Variants in VDAC3 observed in about 807,000 individuals in gnomAD.
VDAC3 encodes the protein voltage dependent anion channel 3.
Under a neutral mutation model 33.9 loss-of-function variants are expected in VDAC3, and 7 were observed. The ratio of observed to expected loss-of-function variants is 0.21; its 90% confidence interval spans 0.12 to 0.39. The LOEUF (loss-of-function observed/expected upper bound fraction) is 0.39. Among genes scored for constraint, VDAC3 ranks in the 10% least tolerant of loss-of-function variants. VDAC3 has a pLI of 1.00. For missense variants in VDAC3, 261 were observed against 334.5 expected (o/e 0.78, Z 1.71); for synonymous variants, 100 against 122.4 (o/e 0.82, Z 1.21).
chr8:42,394,375 G>C, intron 3 of VDAC3, 97 bp downstream of exon 3: 1 of 1,049,602 alleles, frequency 9.5e-7, no homozygotes, highest in Non-Finnish European at 1.4e-6. Context: ...GGGTAAGTCA[G>C]CATTATTCCA....
At chr8:42,403,857 G>T (rs1585953927) in intron 8 of VDAC3, among the ~76,000 whole-genome samples, 1 of 145,996 alleles carries the variant, frequency 6.8e-6, no homozygotes, top group African/African-American at 2.6e-5. Flanking sequence ...CAGCCTGGGT[G>T]ACAGAGCGAG....
At chr8:42,401,221 C>G (rs973490647) in intron 6 of VDAC3, among the ~76,000 whole-genome samples, 1 of 151,792 alleles carries the variant, frequency 6.6e-6, no homozygotes, top group Non-Finnish European at 1.5e-5. Flanking sequence ...TCTTTTGAGA[C>G]GAGTCTCGCT....
intron 9 of VDAC3, 36 bp from the exon 10 acceptor site, chr8:42,405,335 T>C: frequency 6.5e-7 from 1 of 1,537,480 alleles, no homozygotes; most frequent in Non-Finnish European, 9.0e-7. Context: ...ATTGTAATAC[T>C]TGTTTCAAGT....
Position 42,398,730 on chromosome 8 carries a change from C to T in VDAC3, c.136C>T (p.His46Tyr), listed in dbSNP as rs1380820930. 1.9e-6 allele frequency: 3 copies of T among 1,605,902 alleles called. No homozygotes were observed. The highest frequency in any genetic ancestry group is 1.7e-6 in the Non-Finnish European group (2 of 1,177,724). ...TTACCAGGAATTTTCTACTTCTGGTCATGCTTACACTGATACAGGGAAAGC... is the reference window on the plus strand; with the variant it reads ...TTACCAGGAATTTTCTACTTCTGGTTATGCTTACACTGATACAGGGAAAGC... ...CSGVEFSTSG[H>Y]AYTDTGKASG... The change falls in exon 5 of 10, where the codon CAT (histidine) becomes TAT (tyrosine). Residue 46 changes from histidine (H) to tyrosine (Y), a missense_variant. Transcript: ENST00000022615.
At chr8:42,403,875 C>T (rs1802456512) in intron 8 of VDAC3, among the ~76,000 whole-genome samples, 1 of 130,814 alleles carries the variant, frequency 7.6e-6, no homozygotes. Flanking sequence ...GAGAGCCTAT[C>T]TCAAAAAAAA....
chr8:42,394,236 G>C lies in VDAC3; in HGVS notation c.25G>C (p.Asp9His), dbSNP rs767326390. 1 of 1,613,682 alleles carries C rather than the reference G, an allele frequency of 6.2e-7. No individual in the cohort carries two copies. Among genetic ancestry groups the C allele is most frequent in the Non-Finnish European group, 8.5e-7 (1 of 1,179,738 alleles). The change falls in exon 3 of 10, where the codon GAC (aspartate) becomes CAC (histidine). Residue 9 changes from aspartate (D) to histidine (H), a missense_variant. By Grantham distance (81) the Asp-to-His change is moderately conservative. Coordinates refer to ENST00000022615, the MANE Select transcript of VDAC3 (RefSeq NM_005662.7). ...TATGTGTAACACACCAACGTACTGTGACCTAGGAAAGGCTGCTAAGGATGT... is the reference window on the plus strand; with the variant it reads ...TATGTGTAACACACCAACGTACTGTCACCTAGGAAAGGCTGCTAAGGATGT... MCNTPTYC[D>H]LGKAAKDVFN... is the part of the protein sequence containing the mutation.
chr8:42,396,640 C>T, intron 4 of VDAC3: 1 of 688,766 alleles, frequency 1.5e-6, no homozygotes, highest in Non-Finnish European at 2.6e-6. Context: ...AATTTTATCT[C>T]CCTTTCATGC....
At chr8:42,395,695 C>G (rs1339359835) in intron 4 of VDAC3, among the ~76,000 whole-genome samples, 1 of 152,192 alleles carries the variant, frequency 6.6e-6, no homozygotes, top group African/African-American at 2.4e-5. Context: ...TGCAGCGGCT[C>G]ACACCTGTAA....
intron 5 of VDAC3, 161 bp from the exon 6 acceptor site, chr8:42,399,490 C>T: frequency 1.9e-6 from 1 of 539,512 alleles, no homozygotes; most frequent in Non-Finnish European, 3.3e-6. Flanking sequence ...GGTGAGGGGA[C>T]AGGAGGATGG....
At chr8:42,403,231 A>G in intron 7 of VDAC3, 80 bp from the exon 8 acceptor site, 2 of 1,519,072 alleles carry the variant, frequency 1.3e-6, no homozygotes, top group South Asian at 2.4e-5. Flanking sequence ...TTGTTTAGAT[A>G]GTCTTAGAAT....
chr8:42,394,350 G>A, intron 3 of VDAC3, 72 bp downstream of exon 3: 2 of 1,290,360 alleles, frequency 1.5e-6, no homozygotes, highest in East Asian at 4.7e-5. Flanking sequence ...TGTAAATACT[G>A]TGTTAGTAAA....
chr8:42,396,748 G>T, intron 4 of VDAC3: 1 of 662,702 alleles, frequency 1.5e-6, no homozygotes, highest in Non-Finnish European at 2.7e-6. Context: ...ATTGATTTAG[G>T]ATAAATTTCA....
In VDAC3 at chr8:42,398,746, C is replaced by T; in HGVS notation, c.152C>T (p.Thr51Ile). The T allele has an allele frequency of 6.2e-7, 1 of 1,613,884 alleles. No individual in the cohort carries two copies. The highest frequency in any genetic ancestry group is 2.2e-5 in the East Asian group (1 of 44,854). The change falls in exon 5 of 10, where the codon ACA (threonine) becomes ATA (isoleucine). Residue 51 changes from threonine (T) to isoleucine (I), a missense_variant. Coordinates refer to ENST00000022615, the MANE Select transcript of VDAC3 (RefSeq NM_005662.7). The part of the protein sequence containing the change: ...FSTSGHAYTD[T>I]GKASGNLETK... ...ACTTCTGGTCATGCTTACACTGATA[C>T]AGGGAAAGCATCAGGCAACCTAGAA... is the stretch of plus-strand genomic sequence containing the variant.
At chr8:42,396,506 G>C in intron 4 of VDAC3, 1 of 540,402 alleles carries the variant, frequency 1.9e-6, no homozygotes. Context: ...AAATATATAT[G>C]CACCTCCCTT....
At chr8:42,404,742 AT>A in intron 8 of VDAC3, 124 bp from the exon 9 acceptor site, 20 of 637,594 alleles carry the variant, frequency 3.1e-5, no homozygotes, top group Non-Finnish European at 4.1e-5. Flanking sequence ...AAAAAAAAAA[AT>A]CAGTAATTCT....
Position 42,405,772 on chromosome 8 carries a change from A to G in VDAC3, c.*310A>G, listed in dbSNP as rs868301537. 3.9e-6 allele frequency: 1 copy of G among 257,418 alleles called. No individual in the cohort carries two copies. Among genetic ancestry groups the G allele is most frequent in the Non-Finnish European group, 7.5e-6 (1 of 133,990 alleles). The allele number at this position is 257,418 out of a possible 1,614,324, so 15.9% of individuals were successfully genotyped here. ...GACGATCTGACCCACCAGTTTGTAC[A>G]TCACGTCCTGCATGTCCCACACCAT... On this transcript the variant is annotated 3_prime_UTR_variant, in exon 10 of 10. Coordinates refer to ENST00000022615, the MANE Select transcript of VDAC3 (RefSeq NM_005662.7).
intron 4 of VDAC3, chr8:42,396,715 T>C (rs1451466476): frequency 2.9e-6 from 2 of 683,432 alleles, no homozygotes; most frequent in Admixed American, 2.3e-5. Flanking sequence ...TGCTTGTTTT[T>C]ATGGCTGCTT....
intron 6 of VDAC3, among the ~76,000 whole-genome samples, chr8:42,400,659 A>G (rs937519935): frequency 6.7e-6 from 1 of 150,210 alleles, no homozygotes; most frequent in African/African-American, 2.5e-5. Flanking sequence ...TATCTTTAGG[A>G]CAAATATTCT....
chr8:42,392,813 C>G (rs987856503), intron 1 of VDAC3, among the ~76,000 whole-genome samples: 1 of 152,168 alleles, frequency 6.6e-6, no homozygotes, highest in African/African-American at 2.4e-5. Flanking sequence ...ATATATACTG[C>G]CTGCATTTCT....
Sources: allele counts gnomAD v4.1 joint callset (sites outside exome capture counted in the v4.1 genomes callset), GRCh38; gene constraint gnomAD v4.1.1; transcripts MANE v1.5; gene names NCBI Gene and HGNC (gene_info 2026-07-23, HGNC 2026-07-21).